GDAP2: variants seen among roughly 807,000 people sequenced by gnomAD.
The protein encoded by GDAP2 is ganglioside induced differentiation associated protein 2.
GDAP2 carries 51 observed loss-of-function variants against 67.0 expected under a neutral mutation model. The ratio of observed to expected loss-of-function variants is 0.76; its 90% CI spans 0.61 to 0.96. The LOEUF (loss-of-function observed/expected upper bound fraction) is 0.96, where lower values mean the gene tolerates loss of function less well. Ranked by LOEUF, GDAP2 falls within the 40% of genes least tolerant of loss-of-function variation. The probability of loss-of-function intolerance (pLI) is 0.00; values close to 1 mark genes in which losing one functional copy is unlikely to be tolerated. For synonymous variants in GDAP2, 203 were observed against 207.3 expected, an observed-to-expected ratio of 0.98 and a Z score of 0.18; for missense variants, 547 against 588.3, an observed-to-expected ratio of 0.93 and a Z score of 0.73.
intron 8 of GDAP2, among the ~76,000 whole-genome samples, chr1:117,895,946 G>A (rs757336758): frequency 1.3e-5 from 2 of 152,168 alleles, no homozygotes; most frequent in Non-Finnish European, 2.9e-5. Flanking sequence ...GGTGGCATCT[G>A]TTCCAGACTT....
At chr1:117,873,103 A>G (rs1043687925) in intron 13 of GDAP2, among the ~76,000 whole-genome samples, 10 of 152,204 alleles carry the variant, frequency 6.6e-5, no homozygotes, top group African/African-American at 1.9e-4. Context: ...ATGCCATGAA[A>G]TAGAATTTCC....
intron 1 of GDAP2, among the ~76,000 whole-genome samples, chr1:117,926,065 C>T (rs913164700): frequency 3.9e-5 from 6 of 152,108 alleles, no homozygotes; most frequent in African/African-American, 1.2e-4. Flanking sequence ...GGTTTTCCTC[C>T]TTTATTTCTT....
intron 10 of GDAP2, 74 bp downstream of exon 10, chr1:117,886,503 T>C (rs773895868): frequency 3.8e-4 from 320 of 835,412 alleles, no homozygotes; most frequent in Non-Finnish European, 6.1e-4. Flanking sequence ...ATTGTAGGCC[T>C]TGATTCCAAA....
intron 11 of GDAP2, among the ~76,000 whole-genome samples, chr1:117,882,459 C>A (rs181905287): frequency 1.2e-3 from 176 of 152,244 alleles, no homozygotes; most frequent in Non-Finnish European, 5.9e-4. Flanking sequence ...GGAACTGAAC[C>A]CAGGCAATAC....
At chr1:117,901,924 T>C (rs532642298) in intron 6 of GDAP2, among the ~76,000 whole-genome samples, 5 of 152,302 alleles carry the variant, frequency 3.3e-5, no homozygotes, top group African/African-American at 1.2e-4. Context: ...ATCTAGAGAT[T>C]ACTCCTATAG....
In GDAP2 at chr1:117,868,752, A is replaced by C. The variant is rs903961709; in HGVS notation, c.*1817T>G. 6.6e-6 allele frequency: 1 copy of C among 152,148 alleles called. No homozygotes were observed. Among genetic ancestry groups the C allele is most frequent in the Non-Finnish European group, 1.5e-5 (1 of 68,028 alleles). 9.4% of individuals were successfully genotyped at this position (152,148 alleles called of 1,614,324 possible). A position where few individuals can be genotyped will look rare whatever the true frequency, so the allele number is the denominator to read the frequency against. On this transcript the variant is annotated 3_prime_UTR_variant, in exon 14 of 14. Transcript: ENST00000369443. ...GGTACAGTGCCCAAGGGGTTAAAAAAAAAGTACTGTTTGAGAGAAAGCTTA... is the reference window on the plus strand; with the variant it reads ...GGTACAGTGCCCAAGGGGTTAAAAACAAAGTACTGTTTGAGAGAAAGCTTA...
chr1:117,894,380 C>G (rs763710465), intron 8 of GDAP2, among the ~76,000 whole-genome samples: 1 of 152,148 alleles, frequency 6.6e-6, no homozygotes, highest in Non-Finnish European at 1.5e-5. Context: ...GCATTTTTCA[C>G]TGCATAGACA....
At chr1:117,907,384 A>G (rs1378744401) in intron 5 of GDAP2, among the ~76,000 whole-genome samples, 1 of 152,204 alleles carries the variant, frequency 6.6e-6, no homozygotes, top group Non-Finnish European at 1.5e-5. Flanking sequence ...ATTCTGAGGA[A>G]AAGACCCAAA....
At chr1:117,901,931 A>G (rs1039129736) in intron 6 of GDAP2, among the ~76,000 whole-genome samples, 3 of 152,194 alleles carry the variant, frequency 2.0e-5, no homozygotes, top group Non-Finnish European at 4.4e-5. Context: ...GATTACTCCT[A>G]TAGCCCAGAG....
At chr1:117,876,321 G>A (rs141529428) in intron 13 of GDAP2, among the ~76,000 whole-genome samples, 1 of 152,138 alleles carries the variant, frequency 6.6e-6, no homozygotes, top group East Asian at 1.9e-4. Context: ...TGCACATACT[G>A]GTTTCCCTTC....
At position 117,912,056 on chromosome 1, in the gene GDAP2, A is replaced by C. The variant is rs755585058; in HGVS notation, c.497T>G (p.Phe166Cys). ...ACGTTTTGCAGAATTGATGACACAG[A>C]AGCCAACAGAAGACATTGACTGCTC... The part of the protein sequence containing the change: ...AKEQSMSSVG[F>C]CVINSAKRGY... Residue 166 changes from phenylalanine (F) to cysteine (C), a missense_variant, in exon 5 of 14, where the codon TTC becomes TGC. Coordinates refer to ENST00000369443, the MANE Select transcript of GDAP2 (RefSeq NM_017686.4). 1.9e-6 allele frequency: 3 copies of C among 1,609,922 alleles called. No homozygotes were observed. In the South Asian group the frequency reaches 3.3e-5, roughly 18 times the overall value.
rs1036737324 is a variant in GDAP2, at chr1:117,899,551, A to C, written c.637-335T>G. On this transcript the variant is annotated intron_variant, in intron 6 of 13. Transcript: ENST00000369443. Reference sequence around the variant, plus strand: ...TCAAGACTTGGCTCAGATGCTAGCTACTTCCTTAACCCTCAGTGTGCCATC... The same window carrying C: ...TCAAGACTTGGCTCAGATGCTAGCTCCTTCCTTAACCCTCAGTGTGCCATC... Among the ~76,000 whole-genome samples, 76 of 152,200 alleles carry C rather than the reference A, an allele frequency of 5.0e-4. 1 individual carries two copies. The highest frequency in any genetic ancestry group is 1.8e-3 in the African/African-American group (73 of 41,530).
rs750872457 is a variant in GDAP2, at chr1:117,887,780, G to A, written c.954-6C>T. The A allele has an allele frequency of 3.5e-6, 5 of 1,448,530 alleles. 1 individual carries two copies. In the Admixed American group the frequency reaches 8.4e-5, roughly 24 times the overall value. 89.7% of individuals were successfully genotyped at this position (1,448,530 alleles called of 1,614,324 possible). On this transcript the variant is annotated splice_region_variant and splice_polypyrimidine_tract_variant and intron_variant, in intron 8 of 13. Coordinates refer to ENST00000369443, the MANE Select transcript of GDAP2 (RefSeq NM_017686.4). ...GACATAACCAGCGATTATAACTAGG[G>A]AAATAAATGATATAATCATTATAAT...
At chr1:117,918,208 TAAC>T (rs1258587403) in intron 3 of GDAP2, among the ~76,000 whole-genome samples, 1 of 152,164 alleles carries the variant, frequency 6.6e-6, no homozygotes, top group Non-Finnish European at 1.5e-5. Flanking sequence ...TGGGCACAAA[TAAC>T]AAAGGGATGC....
At chr1:117,886,993 G>T (rs1437235152) in intron 9 of GDAP2, among the ~76,000 whole-genome samples, 1 of 151,994 alleles carries the variant, frequency 6.6e-6, no homozygotes, top group African/African-American at 2.4e-5. Flanking sequence ...TGTGATCATA[G>T]CTTACTGCAG....
chr1:117,895,776 G>A (rs1033204881), intron 8 of GDAP2, among the ~76,000 whole-genome samples: 1 of 152,156 alleles, frequency 6.6e-6, no homozygotes, highest in African/African-American at 2.4e-5. Flanking sequence ...GGATTGAGGA[G>A]ACACAAAATA....
chr1:117,923,356 A>G (rs1271974176), intron 1 of GDAP2, among the ~76,000 whole-genome samples: 1 of 152,234 alleles, frequency 6.6e-6, no homozygotes, highest in East Asian at 1.9e-4. Context: ...AAATCTTCAC[A>G]ATTTATGTTC....
rs1648104201 is a variant in GDAP2 at position 117,867,314 on chromosome 1, T to C, written c.*3255A>G. The C allele has an allele frequency of 6.6e-6, 1 of 152,006 alleles. No homozygotes were observed. Among genetic ancestry groups the C allele is most frequent in the Admixed American group, 6.6e-5 (1 of 15,256 alleles). 9.4% of individuals were successfully genotyped at this position (152,006 alleles called of 1,614,324 possible). ...AATTTCAGAAATTTGATTAAAAAAC[T>C]ACATCTATTTTTCCTACCAAAAATA... On this transcript the variant is annotated 3_prime_UTR_variant, in exon 14 of 14. Transcript: ENST00000369443.
intron 6 of GDAP2, among the ~76,000 whole-genome samples, chr1:117,901,083 T>A (rs1419721296): frequency 6.6e-6 from 1 of 152,046 alleles, no homozygotes; most frequent in African/African-American, 2.4e-5. Flanking sequence ...TAAATAAAAA[T>A]AAAAATGGAA....
Sources: allele counts gnomAD v4.1 joint callset (sites outside exome capture counted in the v4.1 genomes callset), GRCh38; gene constraint gnomAD v4.1.1; transcripts MANE v1.5; gene names NCBI Gene and HGNC (gene_info 2026-07-23, HGNC 2026-07-21).